CNN3: variants seen among roughly 807,000 people sequenced by gnomAD.
The protein encoded by CNN3 is calponin-3.
A neutral mutation model predicts 39.0 loss-of-function variants in CNN3; 11 were observed. That is an observed-to-expected ratio of 0.28 (90% confidence interval 0.18 to 0.47). The LOEUF is 0.47. CNN3 is among the 20% of genes least tolerant of loss of function. CNN3 has a pLI of 0.99. For missense variants in CNN3, 266 were observed against 403.4 expected (o/e 0.66, Z 2.92); for synonymous variants, 101 against 138.3 (o/e 0.73, Z 1.89).
At chr1:94,900,929 T>C (rs1670846000) in intron 5 of CNN3, among the ~76,000 whole-genome samples, 1 of 152,166 alleles carries the variant, frequency 6.6e-6, no homozygotes, top group Non-Finnish European at 1.5e-5. Flanking sequence ...ATTTATAAAG[T>C]ACATTTCTGG....
At chr1:94,904,775 G>T (rs1670954637) in intron 1 of CNN3, among the ~76,000 whole-genome samples, 1 of 151,730 alleles carries the variant, frequency 6.6e-6, no homozygotes, top group Non-Finnish European at 1.5e-5. Context: ...AAAACCCACA[G>T]CTGGGAAGAA....
chr1:94,902,356 C>T (rs1052408295), intron 3 of CNN3, 98 bp from the exon 4 acceptor site: 11 of 1,040,190 alleles, frequency 1.1e-5, no homozygotes, highest in Admixed American at 9.7e-5. Context: ...AAGACGCTGC[C>T]CAGAAAGCTG....
Position 94,899,414 on chromosome 1 carries a change from G to A in CNN3, c.605C>T (p.Thr202Ile). 6.2e-7 allele frequency: 1 copy of A among 1,614,004 alleles called. No homozygotes were observed. The highest frequency in any genetic ancestry group is 8.5e-7 in the Non-Finnish European group (1 of 1,179,962). The change falls in exon 6 of 7, where the codon ACC (threonine) becomes ATC (isoleucine). Residue 202 changes from threonine to isoleucine, a missense_variant. Thr to Ile is a moderately conservative substitution (Grantham distance 89). Transcript: ENST00000370206. Reference sequence around the variant, plus strand: ...AGTGCCCATCTGCAGACTAATTGTGGTCTGGTCAAAAGGTTTGTCAGTTTG... The same window carrying A: ...AGTGCCCATCTGCAGACTAATTGTGATCTGGTCAAAAGGTTTGTCAGTTTG... ...KMQTDKPFDQTTISLQMGTNK... is the reference protein window; with the variant it reads ...KMQTDKPFDQITISLQMGTNK...
At chr1:94,917,368 T>A (rs1671312289) in intron 1 of CNN3, among the ~76,000 whole-genome samples, 1 of 152,104 alleles carries the variant, frequency 6.6e-6, no homozygotes, top group Admixed American at 6.6e-5. Flanking sequence ...TATTATCAAA[T>A]AATTTGTGGA....
intron 1 of CNN3, among the ~76,000 whole-genome samples, chr1:94,910,291 C>G (rs1186436722): frequency 6.6e-6 from 1 of 152,156 alleles, no homozygotes; most frequent in Non-Finnish European, 1.5e-5. Flanking sequence ...ATATCAGGCA[C>G]AGTTCAAAGG....
rs965263610 is a variant in CNN3 at position 94,899,660 on chromosome 1, G to T, written c.502-143C>A. ...CTGAGGCTCCAGTCAACTCTTCTATGTGTCTACAAACAAATTTCAAGTGCT... is the reference window on the plus strand; with the variant it reads ...CTGAGGCTCCAGTCAACTCTTCTATTTGTCTACAAACAAATTTCAAGTGCT... On this transcript the variant is annotated intron_variant, in intron 5 of 6. Transcript: ENST00000370206. 3 of 781,086 alleles carry T rather than the reference G, an allele frequency of 3.8e-6. No individual in the cohort carries two copies. The African/African-American group carries it at 5.3e-5, about 14-fold the overall frequency. 48.4% of individuals were successfully genotyped at this position (781,086 alleles called of 1,614,324 possible). A position where few individuals can be genotyped will look rare whatever the true frequency, so the allele number is the denominator to read the frequency against.
chr1:94,926,707 C>T lies in CNN3; in HGVS notation c.57+131G>A. On this transcript the variant is annotated intron_variant, in intron 1 of 6. Transcript: ENST00000370206. The surrounding 1 kb of genome is among the most constrained non-coding windows in gnomAD (Gnocchi z 4.2). ...CGCGACCGGGACAGGCAGAGACGCT[C>T]GCGCCGCCTCGACGGCCCCTCTCCA... The T allele has an allele frequency of 9.6e-7, 1 of 1,039,694 alleles. No individual in the cohort carries two copies. Among genetic ancestry groups the T allele is most frequent in the Non-Finnish European group, 1.4e-6 (1 of 699,160 alleles). The allele number at this position is 1,039,694 out of a possible 1,614,324, so 64.4% of individuals were successfully genotyped here.
Position 94,897,894 on chromosome 1 carries a change from C to T in CNN3, c.838G>A (p.Val280Ile), listed in dbSNP as rs147978281. 2.2e-5 allele frequency: 36 copies of T among 1,614,124 alleles called. No individual in the cohort carries two copies. In the Admixed American group the frequency reaches 5.8e-4, roughly 26 times the overall value. The part of the protein sequence containing the change: ...PKYCAAPTEP[V>I]IHNGSQGTGT... ...GTTCCTTGGCTTCCGTTGTGAATGACAGGTTCTGTAGGAGCAGCACAGTAT... is the reference window on the plus strand; with the variant it reads ...GTTCCTTGGCTTCCGTTGTGAATGATAGGTTCTGTAGGAGCAGCACAGTAT... Residue 280 changes from valine (V) to isoleucine (I), a missense_variant, in exon 7 of 7, where the codon GTC (valine) becomes ATC (isoleucine). Val to Ile is a conservative substitution (Grantham distance 29). Coordinates refer to ENST00000370206, the MANE Select transcript of CNN3 (RefSeq NM_001839.5).
intron 1 of CNN3, among the ~76,000 whole-genome samples, chr1:94,925,472 G>A (rs1223251828): frequency 8.5e-5 from 13 of 152,124 alleles, no homozygotes; most frequent in Admixed American, 7.9e-4. Flanking sequence ...TGTCTAATAC[G>A]GGCAACACGT....
rs556197238 is a variant in CNN3, at chr1:94,896,999, G to T, written c.*743C>A. ...TATTTATTTATAAAAAATACAATGGGATAAGTTTATGCTGAGAAATGCAGC... is the reference window on the plus strand; with the variant it reads ...TATTTATTTATAAAAAATACAATGGTATAAGTTTATGCTGAGAAATGCAGC... On this transcript the variant is annotated 3_prime_UTR_variant, in exon 7 of 7. Transcript: ENST00000370206. The T allele has an allele frequency of 6.6e-6, 1 of 152,528 alleles. No homozygotes were observed. The highest frequency in any genetic ancestry group is 2.1e-4 in the South Asian group (1 of 4,826). 9.4% of individuals were successfully genotyped at this position (152,528 alleles called of 1,614,324 possible).
chr1:94,903,041 CA>C, intron 3 of CNN3, 80 bp downstream of exon 3: 2 of 1,116,302 alleles, frequency 1.8e-6, no homozygotes, highest in Admixed American at 3.0e-5. Flanking sequence ...AACACAAAAC[CA>C]AAAAACCAAA....
chr1:94,925,660 C>T (rs1159977883), intron 1 of CNN3: 1 of 985,364 alleles, frequency 1.0e-6, no homozygotes, highest in Non-Finnish European at 1.2e-6. Context: ...TTCACACCGC[C>T]TACCCCCGCA....
At chr1:94,914,631 C>G (rs1004976361) in intron 1 of CNN3, among the ~76,000 whole-genome samples, 3 of 152,180 alleles carry the variant, frequency 2.0e-5, no homozygotes, top group African/African-American at 7.2e-5. Flanking sequence ...TCTGGAACTC[C>G]TCTTGGAGTC....
chr1:94,914,912 C>A (rs1414464981), intron 1 of CNN3, among the ~76,000 whole-genome samples: 1 of 151,322 alleles, frequency 6.6e-6, no homozygotes, highest in South Asian at 2.1e-4. Flanking sequence ...TCAAGACAGT[C>A]TTGCTCTGTC....
In CNN3 at chr1:94,926,425, C is replaced by A. The variant is rs1437515790; in HGVS notation, c.57+413G>T. On this transcript the variant is annotated intron_variant, in intron 1 of 6. Coordinates refer to ENST00000370206, the MANE Select transcript of CNN3 (RefSeq NM_001839.5). The surrounding 1 kb of genome is among the most constrained non-coding windows in gnomAD (Gnocchi z 4.2). ...GGGCCCGGGCAGATGGCGGGGGCTG[C>A]GGCAGCGGCTCGCCGGGTCCCTGGC... Among the ~76,000 whole-genome samples the A allele has an allele frequency of 6.6e-6, 1 of 152,184 alleles. No homozygotes were observed. Among genetic ancestry groups the A allele is most frequent in the Non-Finnish European group, 1.5e-5 (1 of 68,016 alleles).
At chr1:94,918,671 A>T (rs1671357187) in intron 1 of CNN3, among the ~76,000 whole-genome samples, 1 of 152,020 alleles carries the variant, frequency 6.6e-6, no homozygotes, top group Non-Finnish European at 1.5e-5. Flanking sequence ...AGACGGGTGG[A>T]TCACTTAAGG....
chr1:94,903,672 ACC>A (rs1327304474), intron 1 of CNN3, 148 bp from the exon 2 acceptor site: 4 of 1,051,096 alleles, frequency 3.8e-6, no homozygotes, highest in East Asian at 5.6e-5. Flanking sequence ...GGCAAACTTA[ACC>A]GTTACAACTT....
intron 1 of CNN3, among the ~76,000 whole-genome samples, chr1:94,904,889 T>C (rs1222954308): frequency 1.3e-5 from 2 of 152,168 alleles, no homozygotes; most frequent in African/African-American, 4.8e-5. Flanking sequence ...GGGAATCAAT[T>C]ACATCATTGG....
intron 1 of CNN3, among the ~76,000 whole-genome samples, chr1:94,908,962 T>C (rs1439029064): frequency 2.8e-5 from 4 of 140,926 alleles, no homozygotes; most frequent in East Asian, 2.1e-4. Context: ...CAGGGCAATA[T>C]AGGGAGCCCG....
Sources: gnomAD v4.1 joint callset for allele counts (sites outside exome capture counted in the v4.1 genomes callset) on GRCh38, gnomAD v4.1.1 for gene constraint, Gnocchi (gnomAD v3.1) non-coding constraint, MANE v1.5 for transcripts, NCBI Gene and HGNC (gene_info 2026-07-23, HGNC 2026-07-21) for gene names.